NEGR1: variants seen among roughly 807,000 people sequenced by gnomAD.
NEGR1 encodes the protein neuronal growth regulator 1, also known as IgLON family member 4.
A neutral mutation model predicts 40.9 loss-of-function variants in NEGR1; 10 were observed. The ratio of observed to expected loss-of-function variants is 0.24; its 90% confidence interval spans 0.15 to 0.42. NEGR1 has a LOEUF of 0.42. Ranked by LOEUF, NEGR1 falls within the 10% of genes least tolerant of loss-of-function variation. The pLI, the probability that NEGR1 is intolerant of heterozygous loss-of-function variation, is 1.00. For synonymous variants in NEGR1, 185 were observed against 166.8 expected, an observed-to-expected ratio of 1.11 and a Z score of -0.84; for missense variants, 352 against 438.9, an observed-to-expected ratio of 0.80 and a Z score of 1.77.
chr1:71,618,559 C>T (rs12058260), intron 4 of NEGR1, among the ~76,000 whole-genome samples: 1 of 152,172 alleles, frequency 6.6e-6, no homozygotes, highest in Non-Finnish European at 1.5e-5. Context: ...TCTCCCATCA[C>T]CCCCAGATGA....
In NEGR1 at chr1:71,441,446, A is replaced by C. The variant is rs180948287; in HGVS notation, c.941-33876T>G. Among the ~76,000 whole-genome samples the C allele has an allele frequency of 3.2e-3, 488 of 152,308 alleles. 1 individual carries two copies. The highest frequency in any genetic ancestry group is 0.011 in the African/African-American group (468 of 41,568). Reference sequence around the variant, plus strand: ...CCAAATGCCATGACATAGAAATGGCAATCTGTCATTTTTGAACCTAGACCA... The same window carrying C: ...CCAAATGCCATGACATAGAAATGGCCATCTGTCATTTTTGAACCTAGACCA... On this transcript the variant is annotated intron_variant, in intron 6 of 6. Transcript: ENST00000357731.
At chr1:72,148,637 A>G (rs995935544) in intron 1 of NEGR1, among the ~76,000 whole-genome samples, 106 of 152,224 alleles carry the variant, frequency 7.0e-4, no homozygotes, top group Admixed American at 3.5e-3. Context: ...TCACCTTTCA[A>G]ATGCTTTGCT....
At chr1:71,816,590 C>T (rs568927839) in intron 2 of NEGR1, among the ~76,000 whole-genome samples, 67 of 152,108 alleles carry the variant, frequency 4.4e-4, no homozygotes, top group African/African-American at 1.4e-3. Context: ...TACACACCCC[C>T]AAGATTCAAT....
intron 2 of NEGR1, among the ~76,000 whole-genome samples, chr1:71,830,355 C>CATA (rs1312637478): frequency 6.6e-6 from 1 of 151,642 alleles, no homozygotes; most frequent in Non-Finnish European, 1.5e-5. Context: ...CTTTGTGAAC[C>CATA]ATAATATCTG....
At chr1:72,083,719 A>ATT (rs199789178) in intron 1 of NEGR1, among the ~76,000 whole-genome samples, 1 of 151,776 alleles carries the variant, frequency 6.6e-6, no homozygotes, top group African/African-American at 2.4e-5. Flanking sequence ...CCTAGGTTTG[A>ATT]TTTTTTTTAA....
chr1:72,170,616 T>C (rs1342851144), intron 1 of NEGR1, among the ~76,000 whole-genome samples: 3 of 152,188 alleles, frequency 2.0e-5, no homozygotes, highest in African/African-American at 7.2e-5. Context: ...AGTCCTATGT[T>C]GATTTTCAAT....
At chr1:71,949,922 A>C (rs192203009) in intron 1 of NEGR1, among the ~76,000 whole-genome samples, 1 of 151,898 alleles carries the variant, frequency 6.6e-6, no homozygotes, top group African/African-American at 2.4e-5. Flanking sequence ...TTTCTTTCCT[A>C]TGTTTCTGGA....
intron 6 of NEGR1, among the ~76,000 whole-genome samples, chr1:71,543,286 A>G (rs1647775393): frequency 6.6e-6 from 1 of 151,728 alleles, no homozygotes; most frequent in Non-Finnish European, 1.5e-5. Flanking sequence ...AGGAGGATTC[A>G]TGGAGAGTAG....
chr1:71,524,090 G>T (rs1025362866), intron 6 of NEGR1, among the ~76,000 whole-genome samples: 3 of 151,696 alleles, frequency 2.0e-5, no homozygotes, highest in African/African-American at 7.3e-5. Context: ...GCAAGCATTT[G>T]CTTGTTGGCT....
intron 4 of NEGR1, among the ~76,000 whole-genome samples, chr1:71,643,590 A>G (rs1316057533): frequency 6.6e-6 from 1 of 152,014 alleles, no homozygotes; most frequent in East Asian, 1.9e-4. Context: ...AGCCTCAAAG[A>G]AAGAGAGAAA....
intron 1 of NEGR1, among the ~76,000 whole-genome samples, chr1:72,149,723 A>C (rs970043177): frequency 1.3e-5 from 2 of 151,808 alleles, no homozygotes; most frequent in African/African-American, 4.8e-5. Context: ...CCACTACTAA[A>C]AATACAAAAT....
chr1:72,013,005 T>C (rs1337579312), intron 1 of NEGR1, among the ~76,000 whole-genome samples: 1 of 151,620 alleles, frequency 6.6e-6, no homozygotes, highest in Non-Finnish European at 1.5e-5. Flanking sequence ...GCATATAACA[T>C]TTATTTTAAT....
intron 6 of NEGR1, among the ~76,000 whole-genome samples, chr1:71,428,990 C>T (rs1325639921): frequency 6.6e-6 from 1 of 152,160 alleles, no homozygotes; most frequent in East Asian, 1.9e-4. Flanking sequence ...TTATCACCTG[C>T]AGGTAGCCTT....
chr1:72,033,561 G>A (rs142336342), intron 1 of NEGR1, among the ~76,000 whole-genome samples: 1 of 152,222 alleles, frequency 6.6e-6, no homozygotes, highest in African/African-American at 2.4e-5. Context: ...GTAAATTCAT[G>A]CACATTTTAA....
chr1:72,104,938 T>C (rs948812448), intron 1 of NEGR1, among the ~76,000 whole-genome samples: 1 of 152,094 alleles, frequency 6.6e-6, no homozygotes, highest in Non-Finnish European at 1.5e-5. Context: ...ACGTGGCACT[T>C]TTTTTGTGCT....
intron 4 of NEGR1, among the ~76,000 whole-genome samples, chr1:71,637,212 A>C (rs943289833): frequency 5.3e-5 from 8 of 152,090 alleles, no homozygotes; most frequent in African/African-American, 1.9e-4. Flanking sequence ...CACACCAAGC[A>C]TGCCAGCATA....
At chr1:72,079,608 C>A (rs927387848) in intron 1 of NEGR1, among the ~76,000 whole-genome samples, 1 of 151,834 alleles carries the variant, frequency 6.6e-6, no homozygotes, top group Non-Finnish European at 1.5e-5. Context: ...TATGTATGAA[C>A]ACAAATATAG....
At chr1:72,035,015 C>T (rs540968245) in intron 1 of NEGR1, among the ~76,000 whole-genome samples, 1 of 152,188 alleles carries the variant, frequency 6.6e-6, no homozygotes, top group Admixed American at 6.5e-5. Context: ...GGGAAAACCA[C>T]ATGTACAGGC....
At chr1:71,793,942 G>A (rs1416523924) in intron 2 of NEGR1, among the ~76,000 whole-genome samples, 1 of 152,132 alleles carries the variant, frequency 6.6e-6, no homozygotes, top group African/African-American at 2.4e-5. Flanking sequence ...CTCATTATCT[G>A]TAATTGTGAA....
Sources: allele counts gnomAD v4.1 joint callset (sites outside exome capture counted in the v4.1 genomes callset), GRCh38; gene constraint gnomAD v4.1.1; transcripts MANE v1.5; gene names NCBI Gene and HGNC (gene_info 2026-07-23, HGNC 2026-07-21).